Variants in NEGR1 observed in about 807,000 individuals in gnomAD.
The protein encoded by NEGR1 is neuronal growth regulator 1.
NEGR1 carries 10 observed loss-of-function variants against 40.9 expected under a neutral mutation model. The observed-to-expected ratio is 0.24, with a 90% CI of 0.15 to 0.42. The LOEUF is 0.42. NEGR1 is among the 10% of genes least tolerant of loss of function. The pLI is 1.00. For missense variants in NEGR1, 352 were observed against 438.9 expected, an observed-to-expected ratio of 0.80 and a Z score of 1.77; for synonymous variants, 185 against 166.8, an observed-to-expected ratio of 1.11 and a Z score of -0.84.
intron 1 of NEGR1, among the ~76,000 whole-genome samples, chr1:72,158,149 G>A (rs1338299800): frequency 2.6e-5 from 4 of 152,152 alleles, no homozygotes; most frequent in South Asian, 2.1e-4. Context: ...TGAGAGCCAG[G>A]CATTCTCTGC....
In NEGR1 at chr1:72,019,491, T is replaced by C. The variant is rs945861873; in HGVS notation, c.177-84180A>G. Reference sequence around the variant, plus strand: ...TCATCAGTATGAACCTGAAGATTCTTTAAGAGTAATAAAAGCTATGAAGAA... The same window carrying C: ...TCATCAGTATGAACCTGAAGATTCTCTAAGAGTAATAAAAGCTATGAAGAA... On this transcript the variant is annotated intron_variant, in intron 1 of 6. Transcript: ENST00000357731. Among the ~76,000 whole-genome samples, 4 of 152,158 alleles carry C rather than the reference T, an allele frequency of 2.6e-5. 1 individual carries two copies. The highest frequency in any genetic ancestry group is 1.3e-4 in the Admixed American group (2 of 15,276).
chr1:72,079,770 T>A (rs1374114640), intron 1 of NEGR1, among the ~76,000 whole-genome samples: 2 of 152,138 alleles, frequency 1.3e-5, no homozygotes, highest in Non-Finnish European at 2.9e-5. Context: ...CACTTTCGAA[T>A]ACTAAAAGAT....
intron 2 of NEGR1, among the ~76,000 whole-genome samples, chr1:71,920,766 C>T (rs528921273): frequency 6.6e-6 from 1 of 152,304 alleles, no homozygotes; most frequent in African/African-American, 2.4e-5. Flanking sequence ...CTAGTTTCTC[C>T]ACCCGGCACA....
chr1:71,417,560 G>T (rs941634842), intron 6 of NEGR1, among the ~76,000 whole-genome samples: 3 of 152,008 alleles, frequency 2.0e-5, no homozygotes, highest in African/African-American at 7.2e-5. Context: ...ACACCCAAGA[G>T]AACTGTTAAA....
intron 4 of NEGR1, among the ~76,000 whole-genome samples, chr1:71,638,795 G>A (rs1651250427): frequency 6.6e-6 from 1 of 151,784 alleles, no homozygotes; most frequent in Non-Finnish European, 1.5e-5. Flanking sequence ...TCTCCCATAA[G>A]GTTACCCATG....
At chr1:72,156,771 T>C (rs1369111067) in intron 1 of NEGR1, among the ~76,000 whole-genome samples, 1 of 152,168 alleles carries the variant, frequency 6.6e-6, no homozygotes, top group Non-Finnish European at 1.5e-5. Context: ...CATAAATAAA[T>C]TGATAAATGT....
rs375393123 is a variant in NEGR1 at position 71,916,432 on chromosome 1, T to C, written c.409+18647A>G. Among the ~76,000 whole-genome samples the C allele has an allele frequency of 2.0e-4, 30 of 152,100 alleles. No individual in the cohort carries two copies. The South Asian group carries it at 5.4e-3, about 27-fold the overall frequency. On this transcript the variant is annotated intron_variant, in intron 2 of 6. Coordinates refer to ENST00000357731, the MANE Select transcript of NEGR1 (RefSeq NM_173808.3). ...CCCATTCATCATGAAACACTGAAAA[T>C]GTAAAGAATATATTTAGAATCATGA...
intron 1 of NEGR1, among the ~76,000 whole-genome samples, chr1:71,994,023 T>A (rs768135099): frequency 2.6e-5 from 4 of 152,158 alleles, no homozygotes; most frequent in Non-Finnish European, 4.4e-5. Context: ...CCTGCCTTCT[T>A]ATCCCCAAGA....
chr1:71,488,838 T>C (rs1034305047), intron 6 of NEGR1, among the ~76,000 whole-genome samples: 2 of 151,686 alleles, frequency 1.3e-5, no homozygotes, highest in African/African-American at 4.8e-5. Context: ...GTAATAAAAC[T>C]AGAGGTTTTT....
At chr1:72,213,482 T>A (rs1199663663) in intron 1 of NEGR1, among the ~76,000 whole-genome samples, 5 of 151,962 alleles carry the variant, frequency 3.3e-5, no homozygotes, top group Non-Finnish European at 7.4e-5. Flanking sequence ...CCAGGTAATT[T>A]ATAAAAGAAA....
intron 1 of NEGR1, among the ~76,000 whole-genome samples, chr1:72,151,425 T>G (rs1414350760): frequency 1.3e-5 from 2 of 151,758 alleles, no homozygotes; most frequent in African/African-American, 4.8e-5. Context: ...TTACACTCAA[T>G]AGGTTTTTGG....
At chr1:72,059,395 G>T (rs144867867) in intron 1 of NEGR1, among the ~76,000 whole-genome samples, 1 of 151,524 alleles carries the variant, frequency 6.6e-6, no homozygotes, top group Admixed American at 6.6e-5. Flanking sequence ...CTTTCTGGGG[G>T]GTGTGGGGAG....
chr1:71,490,698 C>T (rs1437776314), intron 6 of NEGR1, among the ~76,000 whole-genome samples: 1 of 151,972 alleles, frequency 6.6e-6, no homozygotes, highest in Non-Finnish European at 1.5e-5. Flanking sequence ...TGTGTCTTCA[C>T]TGATGAAACG....
At chr1:72,161,452 CA>C (rs1174310916) in intron 1 of NEGR1, among the ~76,000 whole-genome samples, 3 of 151,848 alleles carry the variant, frequency 2.0e-5, no homozygotes, top group Non-Finnish European at 4.4e-5. Context: ...CGTTGATTGC[CA>C]TAATTAGAAG....
At chr1:71,844,660 A>T (rs1323732355) in intron 2 of NEGR1, among the ~76,000 whole-genome samples, 1 of 152,192 alleles carries the variant, frequency 6.6e-6, no homozygotes, top group Non-Finnish European at 1.5e-5. Flanking sequence ...GACTAGCAGG[A>T]ATGGCATAAA....
At position 71,769,361 on chromosome 1, in the gene NEGR1, T is replaced by C. The variant is rs375105280; in HGVS notation, c.535+6811A>G. On this transcript the variant is annotated intron_variant, in intron 3 of 6. Coordinates refer to ENST00000357731, the MANE Select transcript of NEGR1 (RefSeq NM_173808.3). ...ATGTGAATTACATTTTCAAGAGTCA[T>C]AAAGAGGCCCCTTAATTTCAGGAAC... 2.0e-5 allele frequency among the ~76,000 whole-genome samples: 3 copies of C among 152,282 alleles called. No homozygotes were observed. The South Asian group carries it at 6.2e-4, about 32-fold the overall frequency.
intron 2 of NEGR1, among the ~76,000 whole-genome samples, chr1:71,785,745 T>A (rs1656887833): frequency 6.6e-6 from 1 of 152,200 alleles, no homozygotes; most frequent in Admixed American, 6.5e-5. Flanking sequence ...CTGCCTTCTT[T>A]GCAAACATTT....
At chr1:71,649,550 T>C (rs921495538) in intron 4 of NEGR1, among the ~76,000 whole-genome samples, 7 of 152,084 alleles carry the variant, frequency 4.6e-5, no homozygotes, top group African/African-American at 1.4e-4. Flanking sequence ...AGGAACAAGA[T>C]AAAATACATT....
intron 1 of NEGR1, among the ~76,000 whole-genome samples, chr1:72,056,950 T>A (rs1647116317): frequency 6.6e-6 from 1 of 151,522 alleles, no homozygotes; most frequent in Admixed American, 6.6e-5. Flanking sequence ...GGTCATGAGG[T>A]ACAGTCTTTC....
Sources: allele counts gnomAD v4.1 joint callset (sites outside exome capture counted in the v4.1 genomes callset), GRCh38; gene constraint gnomAD v4.1.1; transcripts MANE v1.5; gene names NCBI Gene and HGNC (gene_info 2026-07-23, HGNC 2026-07-21).